The following KCNH1 variants were observed in gnomAD, a reference collection of about 807,000 sequenced individuals.
The protein encoded by KCNH1 is voltage-gated delayed rectifier potassium channel KCNH1.
KCNH1 carries 27 observed loss-of-function variants against 69.2 expected under a neutral mutation model. The observed-to-expected ratio is 0.39, with a 90% CI of 0.29 to 0.54. The LOEUF (loss-of-function observed/expected upper bound fraction) is 0.54, where lower values mean the gene tolerates loss of function less well. KCNH1 is among the 20% of genes least tolerant of loss of function. The pLI, the probability that KCNH1 is intolerant of heterozygous loss-of-function variation, is 0.68. For missense variants in KCNH1, 798 were observed against 1,261.6 expected (o/e 0.63, Z 5.57); for synonymous variants, 456 against 487.7 (o/e 0.93, Z 0.86).
At chr1:211,123,253 A>G (rs1457845898) in intron 1 of KCNH1, among the ~76,000 whole-genome samples, 1 of 152,192 alleles carries the variant, frequency 6.6e-6, no homozygotes, top group Non-Finnish European at 1.5e-5. Flanking sequence ...CCAAACAACC[A>G]ATAGTCAGGG....
intron 5 of KCNH1, among the ~76,000 whole-genome samples, chr1:211,056,023 C>T (rs1400051513): frequency 6.6e-6 from 1 of 151,998 alleles, no homozygotes; most frequent in Non-Finnish European, 1.5e-5. Flanking sequence ...TCTCCTTTTG[C>T]TTGAGGAAGG....
chr1:211,103,574 C>T lies in KCNH1; in HGVS notation c.232G>A (p.Asp78Asn). ...GTTTGCCGCACTTTTTCAATCGTGT[C>T]TTTATCAGTCAGCTCCCCATACATA... is the stretch of plus-strand genomic sequence containing the variant. ...SFMYGELTDK[D>N]TIEKVRQTFE... The change falls in exon 3 of 11, where the codon GAC becomes AAC. Residue 78 changes from aspartate (D) to asparagine (N), a missense_variant. Coordinates refer to ENST00000271751, the MANE Select transcript of KCNH1 (RefSeq NM_172362.3). The T allele has an allele frequency of 6.2e-7, 1 of 1,613,066 alleles. No homozygotes were observed. The highest frequency in any genetic ancestry group is 8.5e-7 in the Non-Finnish European group (1 of 1,179,538).
intron 6 of KCNH1, among the ~76,000 whole-genome samples, chr1:210,942,711 C>T (rs753885483): frequency 1.3e-5 from 2 of 151,776 alleles, no homozygotes; most frequent in African/African-American, 2.4e-5. Flanking sequence ...TAGACTTTTG[C>T]TTCAGGACAC....
chr1:210,913,186 G>GA (rs1032427738), intron 7 of KCNH1, among the ~76,000 whole-genome samples: 1 of 152,044 alleles, frequency 6.6e-6, no homozygotes, highest in Non-Finnish European at 1.5e-5. Flanking sequence ...AGGTTATAGA[G>GA]AAAAAATCAA....
chr1:211,038,834 G>A (rs1357329445), intron 5 of KCNH1, among the ~76,000 whole-genome samples: 1 of 152,226 alleles, frequency 6.6e-6, no homozygotes, highest in Non-Finnish European at 1.5e-5. Flanking sequence ...AAGGCATTCA[G>A]TTTTAAAAGG....
chr1:210,999,679 C>G (rs1294774658), intron 6 of KCNH1, among the ~76,000 whole-genome samples: 1 of 152,188 alleles, frequency 6.6e-6, no homozygotes, highest in Non-Finnish European at 1.5e-5. Flanking sequence ...CCAGCATCAT[C>G]CTCATACCAA....
At chr1:210,742,286 G>T (rs567307673) in intron 10 of KCNH1, among the ~76,000 whole-genome samples, 1 of 152,164 alleles carries the variant, frequency 6.6e-6, no homozygotes, top group Non-Finnish European at 1.5e-5. Context: ...AGCAAAAGGG[G>T]ACCATTCATT....
At chr1:211,021,920 A>G (rs1001890304) in intron 5 of KCNH1, among the ~76,000 whole-genome samples, 7 of 152,200 alleles carry the variant, frequency 4.6e-5, no homozygotes, top group Admixed American at 3.9e-4. Flanking sequence ...TACAGATTCA[A>G]TGCAATCCCT....
In KCNH1 at chr1:210,926,734, A is replaced by T. The variant is rs181771465; in HGVS notation, c.1033-6665T>A. Among the ~76,000 whole-genome samples the T allele has an allele frequency of 2.6e-5, 4 of 152,328 alleles. No homozygotes were observed. The East Asian group carries it at 7.7e-4, about 29-fold the overall frequency. On this transcript the variant is annotated intron_variant, in intron 6 of 10. Coordinates refer to ENST00000271751, the MANE Select transcript of KCNH1 (RefSeq NM_172362.3). Reference sequence around the variant, plus strand: ...GAGACAAAACCTATGAAACGCCAGAAAAAGAATTCGGGAGGTTGATTATTA... The same window carrying T: ...GAGACAAAACCTATGAAACGCCAGATAAAGAATTCGGGAGGTTGATTATTA...
At position 210,920,067 on chromosome 1, in the gene KCNH1, G is replaced by A. The variant is rs747631292; in HGVS notation, c.1035C>T (p.Gly345=). The A allele has an allele frequency of 1.9e-6, 3 of 1,611,158 alleles. No homozygotes were observed. Among genetic ancestry groups the A allele is most frequent in the Non-Finnish European group, 2.5e-6 (3 of 1,177,996 alleles). ...TTAGAGAGCTGAACAGGCTGCTGAT[G>A]CCCTGGGAGAAGAGGAACACAGCGT... ...PPPLEGRESQ[G]ISSLFSSLKV... Residue 345 remains glycine, a splice_region_variant and synonymous_variant, in exon 7 of 11, where the codon GGC becomes GGT. Coordinates refer to ENST00000271751, the MANE Select transcript of KCNH1 (RefSeq NM_172362.3).
chr1:210,835,845 C>A (rs1346547201), intron 7 of KCNH1, among the ~76,000 whole-genome samples: 2 of 151,960 alleles, frequency 1.3e-5, no homozygotes, highest in Non-Finnish European at 2.9e-5. Flanking sequence ...AACTTGATTT[C>A]TAGGCCTGGC....
intron 7 of KCNH1, among the ~76,000 whole-genome samples, chr1:210,829,904 G>A (rs1163381707): frequency 2.0e-5 from 3 of 152,076 alleles, no homozygotes; most frequent in Admixed American, 1.3e-4. Flanking sequence ...TAGAATGTGG[G>A]AAGAATTGTT....
chr1:210,934,014 C>T (rs1255849987), intron 6 of KCNH1, among the ~76,000 whole-genome samples: 1 of 152,146 alleles, frequency 6.6e-6, no homozygotes, highest in East Asian at 1.9e-4. Flanking sequence ...TCCTATCTCT[C>T]ACTATATGCA....
At chr1:211,028,157 A>G (rs1689717994) in intron 5 of KCNH1, among the ~76,000 whole-genome samples, 1 of 152,168 alleles carries the variant, frequency 6.6e-6, no homozygotes, top group African/African-American at 2.4e-5. Context: ...ATGGAATCAC[A>G]CTAGAAACCA....
intron 5 of KCNH1, among the ~76,000 whole-genome samples, chr1:211,032,086 C>T (rs565947847): frequency 3.3e-5 from 5 of 152,082 alleles, no homozygotes; most frequent in Admixed American, 1.3e-4. Flanking sequence ...AATCAATGTG[C>T]AAAAATCACA....
intron 7 of KCNH1, among the ~76,000 whole-genome samples, chr1:210,812,090 A>G (rs779853707): frequency 2.6e-5 from 4 of 152,196 alleles, no homozygotes; most frequent in Non-Finnish European, 5.9e-5. Context: ...ATGATTTTCT[A>G]GCTTCTATTG....
chr1:211,024,863 G>T (rs1312618486), intron 5 of KCNH1, among the ~76,000 whole-genome samples: 3 of 151,844 alleles, frequency 2.0e-5, no homozygotes, highest in Non-Finnish European at 2.9e-5. Context: ...AGCCCAGCAT[G>T]CTGGCTGGTC....
intron 10 of KCNH1, 29 bp downstream of exon 10, chr1:210,775,317 TTG>T: frequency 6.3e-7 from 1 of 1,590,582 alleles, no homozygotes; most frequent in Non-Finnish European, 8.6e-7. Context: ...AGACTGTTCT[TTG>T]TGGAAAATAA....
At chr1:211,026,268 C>T (rs1006535590) in intron 5 of KCNH1, among the ~76,000 whole-genome samples, 8 of 151,152 alleles carry the variant, frequency 5.3e-5, no homozygotes, top group Admixed American at 6.6e-5. Context: ...GAAAGTAAAA[C>T]GGCTAGGAAT....
Sources: gnomAD v4.1 joint callset for allele counts (sites outside exome capture counted in the v4.1 genomes callset) on GRCh38, gnomAD v4.1.1 for gene constraint, MANE v1.5 for transcripts, NCBI Gene and HGNC (gene_info 2026-07-23, HGNC 2026-07-21) for gene names.